The following BRD10 variants were observed in gnomAD, a reference collection of about 807,000 sequenced individuals.
The protein encoded by BRD10 is uncharacterized bromodomain-containing protein 10.
At chr9:5,931,065 CT>C in the BRD10 span, among the ~76,000 whole-genome samples, 1 of 152,186 alleles carries the variant, frequency 6.6e-6, no homozygotes, top group South Asian at 2.1e-4. Flanking sequence ...AGACTATACT[CT>C]TTGTGGCAGA....
At chr9:5,949,560 A>T in the BRD10 span, among the ~76,000 whole-genome samples, 3 of 152,182 alleles carry the variant, frequency 2.0e-5, no homozygotes, top group Non-Finnish European at 4.4e-5. Flanking sequence ...TATAAGTCTT[A>T]GCAGCTGGAT....
At chr9:5,974,179 G>A in the BRD10 span, among the ~76,000 whole-genome samples, 2 of 152,164 alleles carry the variant, frequency 1.3e-5, no homozygotes, top group Non-Finnish European at 2.9e-5. Context: ...ATGACAGACT[G>A]AGAGATCTAT....
the BRD10 span, among the ~76,000 whole-genome samples, chr9:5,938,905 GA>G: frequency 1.3e-5 from 2 of 152,100 alleles, no homozygotes; most frequent in African/African-American, 4.8e-5. Flanking sequence ...CCAAAGCCAT[GA>G]AGTAAAGTAA....
chr9:5,966,874 G>A, the BRD10 span, among the ~76,000 whole-genome samples: 8 of 152,102 alleles, frequency 5.3e-5, no homozygotes, highest in Non-Finnish European at 7.4e-5. Context: ...TTTAAACATT[G>A]TGGTTTTTCA....
At chr9:5,982,039 A>G in the BRD10 span, among the ~76,000 whole-genome samples, 1 of 146,800 alleles carries the variant, frequency 6.8e-6, no homozygotes, top group African/African-American at 2.5e-5. Flanking sequence ...AATTTTATGT[A>G]TGTATGTATG....
chr9:5,920,010 G>A, the BRD10 span: 5 of 1,613,972 alleles, frequency 3.1e-6, no homozygotes, highest in South Asian at 4.4e-5. Flanking sequence ...GGTACAGGAG[G>A]TGGAACAGGA....
chr9:5,990,535 G>A, the BRD10 span, among the ~76,000 whole-genome samples: 1 of 152,118 alleles, frequency 6.6e-6, no homozygotes, highest in Admixed American at 6.5e-5. Flanking sequence ...TTTATAAGTA[G>A]ATAAGATAAA....
chr9:5,972,969 T>C, the BRD10 span, among the ~76,000 whole-genome samples: 1 of 151,958 alleles, frequency 6.6e-6, no homozygotes, highest in Admixed American at 6.6e-5. Flanking sequence ...ACCAAAAAAA[T>C]GTGGTATTTG....
the BRD10 span, chr9:5,890,712 G>C: frequency 6.6e-6 from 1 of 152,138 alleles, no homozygotes; most frequent in South Asian, 2.1e-4. Context: ...ACTGGGACTG[G>C]GGAAAACAGA....
the BRD10 span, among the ~76,000 whole-genome samples, chr9:6,005,933 C>G: frequency 6.6e-6 from 1 of 152,142 alleles, no homozygotes; most frequent in Non-Finnish European, 1.5e-5. Flanking sequence ...TTAACGAAGA[C>G]AGGCACTATG....
the BRD10 span, chr9:5,968,322 G>C: frequency 1.2e-6 from 2 of 1,610,038 alleles, no homozygotes; most frequent in Non-Finnish European, 1.7e-6. Context: ...CAAGATTTTA[G>C]AGTATTTTCT....
chr9:5,946,864 C>T, the BRD10 span, among the ~76,000 whole-genome samples: 1 of 152,072 alleles, frequency 6.6e-6, no homozygotes, highest in African/African-American at 2.4e-5. Context: ...TAAACATGCC[C>T]TAAAACATTT....
At chr9:5,946,374 G>C in the BRD10 span, among the ~76,000 whole-genome samples, 5 of 152,086 alleles carry the variant, frequency 3.3e-5, no homozygotes, top group Non-Finnish European at 7.4e-5. Flanking sequence ...AGTGTAGCTG[G>C]TATTTATTAG....
chr9:5,902,857 G>A, the BRD10 span, among the ~76,000 whole-genome samples: 1 of 151,674 alleles, frequency 6.6e-6, no homozygotes. Flanking sequence ...TTATTTTTCC[G>A]CTTACTTTGG....
chr9:5,975,375 G>A, the BRD10 span, among the ~76,000 whole-genome samples: 2 of 147,762 alleles, frequency 1.4e-5, no homozygotes, highest in South Asian at 4.3e-4. Flanking sequence ...GGAAGTGGAG[G>A]TTGCAGTGAG....
At chr9:5,946,947 C>A in the BRD10 span, among the ~76,000 whole-genome samples, 1 of 151,944 alleles carries the variant, frequency 6.6e-6, no homozygotes, top group Non-Finnish European at 1.5e-5. Flanking sequence ...AGAGATAACA[C>A]AGTTATCTCT....
the BRD10 span, chr9:5,919,645 A>G: frequency 6.5e-7 from 1 of 1,542,072 alleles, no homozygotes; most frequent in Non-Finnish European, 8.7e-7. Flanking sequence ...AGTCAAAACA[A>G]TGCCCCATTA....
At chr9:5,940,255 G>A in the BRD10 span, among the ~76,000 whole-genome samples, 2 of 152,090 alleles carry the variant, frequency 1.3e-5, no homozygotes, top group Admixed American at 6.6e-5. Context: ...GCACAGTGGT[G>A]CGATCTTGGC....
the BRD10 span, chr9:6,007,303 C>G: frequency 1.9e-6 from 3 of 1,613,896 alleles, no homozygotes; most frequent in Non-Finnish European, 2.5e-6. Context: ...CAGCATCAAC[C>G]TGAAGTCCGC....
Sources: gnomAD v4.1 joint callset for allele counts (sites outside exome capture counted in the v4.1 genomes callset) on GRCh38, gnomAD v4.1.1 for gene constraint, MANE v1.5 for transcripts, NCBI Gene and HGNC (gene_info 2026-07-23, HGNC 2026-07-21) for gene names.